The following PAPPA2 variants were observed in gnomAD, a reference collection of about 807,000 sequenced individuals.
The protein encoded by PAPPA2 is pappalysin-2.
Under a neutral mutation model 176.4 loss-of-function variants are expected in PAPPA2, and 86 were observed. The observed-to-expected ratio is 0.49, with a 90% CI of 0.41 to 0.58. PAPPA2 has a LOEUF of 0.58. Ranked by LOEUF, PAPPA2 falls within the 20% of genes least tolerant of loss-of-function variation. The pLI, the probability that PAPPA2 is intolerant of heterozygous loss-of-function variation, is 0.00. For missense variants in PAPPA2, 2,073 were observed against 2,256.9 expected (o/e 0.92, Z 1.65); for synonymous variants, 809 against 852.2 (o/e 0.95, Z 0.88).
At chr1:176,805,019 G>A (rs1665839753) in intron 21 of PAPPA2, among the ~76,000 whole-genome samples, 1 of 152,048 alleles carries the variant, frequency 6.6e-6, no homozygotes, top group Non-Finnish European at 1.5e-5. Context: ...CTCCATCCAT[G>A]AACACTGTGA....
intron 2 of PAPPA2, among the ~76,000 whole-genome samples, chr1:176,585,474 A>G (rs921862849): frequency 2.6e-5 from 4 of 152,068 alleles, no homozygotes; most frequent in Non-Finnish European, 5.9e-5. Context: ...ACTTGTTTGG[A>G]TTAAATATAT....
intron 3 of PAPPA2, chr1:176,616,551 A>G: frequency 7.2e-7 from 1 of 1,393,650 alleles, no homozygotes; most frequent in African/African-American, 1.4e-5. Context: ...ATCAGCAACA[A>G]TCTGGTTGGA....
intron 3 of PAPPA2, among the ~76,000 whole-genome samples, chr1:176,612,393 CA>C (rs367853930): frequency 1.1e-4 from 16 of 144,516 alleles, no homozygotes; most frequent in African/African-American, 3.8e-4. Flanking sequence ...GACCCTGTCT[CA>C]AAAAAAAACC....
intron 1 of PAPPA2, among the ~76,000 whole-genome samples, chr1:176,552,818 A>T (rs1014070310): frequency 1.3e-5 from 2 of 152,122 alleles, no homozygotes; most frequent in Non-Finnish European, 2.9e-5. Context: ...TGATCGCCAC[A>T]GATAGTGCTT....
intron 12 of PAPPA2, among the ~76,000 whole-genome samples, chr1:176,722,657 A>G (rs923081736): frequency 2.0e-5 from 3 of 152,118 alleles, no homozygotes; most frequent in Non-Finnish European, 1.5e-5. Flanking sequence ...AATACCTCAA[A>G]GGCTAAAGTA....
chr1:176,515,120 C>T (rs1373320050), intron 1 of PAPPA2, among the ~76,000 whole-genome samples: 2 of 152,174 alleles, frequency 1.3e-5, no homozygotes, highest in African/African-American at 2.4e-5. Context: ...ATATATACCT[C>T]CTAAGAGTAA....
chr1:176,489,184 T>C (rs1367801232), intron 1 of PAPPA2, among the ~76,000 whole-genome samples: 2 of 152,226 alleles, frequency 1.3e-5, no homozygotes, highest in Non-Finnish European at 2.9e-5. Flanking sequence ...CTATATATGC[T>C]ATATCCTGAT....
At chr1:176,841,151 C>G (rs182048292) in intron 22 of PAPPA2, among the ~76,000 whole-genome samples, 10 of 152,226 alleles carry the variant, frequency 6.6e-5, no homozygotes. Context: ...CTCTAAAAAC[C>G]AATAAATCCT....
At chr1:176,776,651 T>C (rs1478727361) in intron 17 of PAPPA2, among the ~76,000 whole-genome samples, 1 of 152,020 alleles carries the variant, frequency 6.6e-6, no homozygotes, top group South Asian at 2.1e-4. Flanking sequence ...CACAGAAAGA[T>C]TGGTGTGGCA....
Position 176,692,327 on chromosome 1 carries a change from G to A in PAPPA2, c.2624+9G>A, listed in dbSNP as rs1413761893. 1.8e-5 allele frequency: 29 copies of A among 1,595,208 alleles called. No individual in the cohort carries two copies. The highest frequency in any genetic ancestry group is 2.5e-5 in the Non-Finnish European group (29 of 1,166,120). ...GGAGTTGTATATGACAGGTGAGAGA[G>A]GCACTGGCTGTGGGTGAGCTGGCTT... On this transcript the variant is annotated intron_variant, in intron 6 of 22. Coordinates refer to ENST00000367662, the MANE Select transcript of PAPPA2 (RefSeq NM_020318.3).
At chr1:176,481,746 C>G (rs574196537) in intron 1 of PAPPA2, among the ~76,000 whole-genome samples, 1 of 152,194 alleles carries the variant, frequency 6.6e-6, no homozygotes, top group South Asian at 2.1e-4. Flanking sequence ...ACCCTGTCAC[C>G]TAGGCTGGAG....
chr1:176,650,584 G>C (rs1304537536), intron 3 of PAPPA2, among the ~76,000 whole-genome samples: 1 of 151,402 alleles, frequency 6.6e-6, no homozygotes, highest in East Asian at 2.0e-4. Flanking sequence ...ACAGGCCCCA[G>C]TGTGTGATGT....
chr1:176,671,773 A>G (rs1659017220), intron 4 of PAPPA2, among the ~76,000 whole-genome samples: 1 of 152,012 alleles, frequency 6.6e-6, no homozygotes, highest in Non-Finnish European at 1.5e-5. Flanking sequence ...GACATGGATG[A>G]AATTGGAAAT....
chr1:176,697,550 G>C (rs942890409), intron 7 of PAPPA2, among the ~76,000 whole-genome samples: 4 of 152,096 alleles, frequency 2.6e-5, no homozygotes, highest in Admixed American at 2.0e-4. Context: ...TTATAAATAG[G>C]TCTAATGAAC....
At position 176,690,211 on chromosome 1, in the gene PAPPA2, G is replaced by A. The variant is rs1660044255; in HGVS notation, c.2212G>A (p.Val738Ile). The change falls in exon 5 of 23, where the codon GTT (valine) becomes ATT (isoleucine). Residue 738 changes from valine (V) to isoleucine (I), a missense_variant. Coordinates refer to ENST00000367662, the MANE Select transcript of PAPPA2 (RefSeq NM_020318.3). Reference protein sequence around the residue: ...TDTMIHEVGHVLGLYHVFKGV... With the variant: ...TDTMIHEVGHILGLYHVFKGV... ...CACCATGATCCATGAAGTGGGACAT[G>A]TTCTGGGACTCTACCATGTCTTTAA... 4 of 1,614,140 alleles carry A rather than the reference G, an allele frequency of 2.5e-6. No homozygotes were observed. In the East Asian group the frequency reaches 6.7e-5, roughly 27 times the overall value.
rs372190390 is a variant in PAPPA2 at position 176,701,737 on chromosome 1, T to C, written c.3237-870T>C. On this transcript the variant is annotated intron_variant, in intron 8 of 22. Transcript: ENST00000367662. The stretch of plus-strand genomic sequence containing the variant: ...CACTCACAGTAGTCCCAGCAACCCT[T>C]TGAGATCCTGTTTCACTAAGTAACT... 2.6e-4 allele frequency among the ~76,000 whole-genome samples: 39 copies of C among 152,274 alleles called. No homozygotes were observed. In the East Asian group the frequency reaches 3.5e-3, roughly 14 times the overall value.
chr1:176,500,295 C>G (rs184308050), intron 1 of PAPPA2, among the ~76,000 whole-genome samples: 170 of 151,770 alleles, frequency 1.1e-3, no homozygotes, highest in African/African-American at 3.9e-3. Flanking sequence ...GTTTATAGGT[C>G]AAACTAAATT....
In PAPPA2 at chr1:176,800,235, C is replaced by T. The variant is rs1665624652; in HGVS notation, c.5202+103C>T. 2.9e-6 allele frequency: 3 copies of T among 1,042,242 alleles called. No homozygotes were observed. In the African/African-American group the frequency reaches 4.9e-5, roughly 17 times the overall value. 64.6% of individuals were successfully genotyped at this position (1,042,242 alleles called of 1,614,324 possible). A position where few individuals can be genotyped will look rare whatever the true frequency, so the allele number is the denominator to read the frequency against. Reference sequence around the variant, plus strand: ...TTTAGGACCTGGTCCCTCTCCTATTCCTCTGTCCTTTGTTTAACTTCTTAA... The same window carrying T: ...TTTAGGACCTGGTCCCTCTCCTATTTCTCTGTCCTTTGTTTAACTTCTTAA... On this transcript the variant is annotated intron_variant, in intron 21 of 22. Coordinates refer to ENST00000367662, the MANE Select transcript of PAPPA2 (RefSeq NM_020318.3).
At chr1:176,733,427 A>G (rs2102865309) in intron 12 of PAPPA2, among the ~76,000 whole-genome samples, 1 of 152,242 alleles carries the variant, frequency 6.6e-6, no homozygotes, top group African/African-American at 2.4e-5. Flanking sequence ...GCGCTGACAG[A>G]GGAGCTCCAA....
Sources: gnomAD v4.1 joint callset for allele counts (sites outside exome capture counted in the v4.1 genomes callset) on GRCh38, gnomAD v4.1.1 for gene constraint, MANE v1.5 for transcripts, NCBI Gene and HGNC (gene_info 2026-07-23, HGNC 2026-07-21) for gene names.